The following ZC3H3 variants were observed in gnomAD, a reference collection of about 807,000 sequenced individuals.
ZC3H3 encodes zinc finger CCCH domain-containing protein 3.
ZC3H3 carries 36 observed loss-of-function variants against 77.3 expected under a neutral mutation model. The ratio of observed to expected loss-of-function variants is 0.47; its 90% confidence interval spans 0.36 to 0.61. ZC3H3 has a LOEUF of 0.61. ZC3H3 is among the 20% of genes least tolerant of loss of function. The probability of loss-of-function intolerance (pLI) is 0.00; values close to 1 mark genes in which losing one functional copy is unlikely to be tolerated. For synonymous variants in ZC3H3, 626 were observed against 555.2 expected, an observed-to-expected ratio of 1.13 and a Z score of -1.79; for missense variants, 1,331 against 1,312.2, an observed-to-expected ratio of 1.01 and a Z score of -0.22.
intron 3 of ZC3H3, among the ~76,000 whole-genome samples, chr8:143,514,183 G>A (rs568614168): frequency 2.4e-4 from 36 of 152,278 alleles, no homozygotes; most frequent in African/African-American, 6.5e-4. Flanking sequence ...CGGCTTCCCC[G>A]AGGTCCACCA....
chr8:143,453,620 G>A (rs1007235951), intron 9 of ZC3H3, among the ~76,000 whole-genome samples: 2 of 152,154 alleles, frequency 1.3e-5, no homozygotes, highest in Non-Finnish European at 1.5e-5. Context: ...AGTGGTTAAA[G>A]TTCTCCAAAC....
intron 8 of ZC3H3, among the ~76,000 whole-genome samples, chr8:143,467,830 C>A (rs930469450): frequency 6.6e-6 from 1 of 151,438 alleles, no homozygotes; most frequent in African/African-American, 2.4e-5. Context: ...AGCTTCCCCC[C>A]TCCTGCCAAC....
chr8:143,446,721 C>T (rs1445237111), intron 9 of ZC3H3, among the ~76,000 whole-genome samples: 2 of 152,254 alleles, frequency 1.3e-5, no homozygotes, highest in African/African-American at 4.8e-5. Flanking sequence ...TCCAAGCTGC[C>T]GAGCGTGACA....
At chr8:143,490,681 A>G (rs1288622739) in intron 4 of ZC3H3, among the ~76,000 whole-genome samples, 1 of 152,214 alleles carries the variant, frequency 6.6e-6, no homozygotes, top group African/African-American at 2.4e-5. Flanking sequence ...TTGGGAGGCC[A>G]AGGCAGGCGG....
chr8:143,478,655 A>T (rs1477864047), intron 4 of ZC3H3, among the ~76,000 whole-genome samples: 3 of 152,178 alleles, frequency 2.0e-5, no homozygotes, highest in Non-Finnish European at 4.4e-5. Context: ...GATTACAGGC[A>T]TGTGCCAACA....
chr8:143,498,085 G>A (rs950161624), intron 4 of ZC3H3, among the ~76,000 whole-genome samples: 1 of 152,214 alleles, frequency 6.6e-6, no homozygotes, highest in Non-Finnish European at 1.5e-5. Context: ...CAAGGAGAAC[G>A]GCAGGAACTG....
chr8:143,494,633 G>C lies in ZC3H3; in HGVS notation c.1715+13113C>G, dbSNP rs998701803. On this transcript the variant is annotated intron_variant, in intron 4 of 11. Coordinates refer to ENST00000262577, the MANE Select transcript of ZC3H3 (RefSeq NM_015117.3). This position sits in a 1 kb window ranked among gnomAD's most constrained non-coding sequence, Gnocchi z 5.3. Reference sequence around the variant, plus strand: ...GAGGGAAGCGGCAGGTCGGGGGAGGGGGGTGCTGTGGGCAGACACACGAGG... The same window carrying C: ...GAGGGAAGCGGCAGGTCGGGGGAGGCGGGTGCTGTGGGCAGACACACGAGG... Among the ~76,000 whole-genome samples the C allele has an allele frequency of 6.6e-6, 1 of 152,182 alleles. No homozygotes were observed. The highest frequency in any genetic ancestry group is 1.5e-5 in the Non-Finnish European group (1 of 68,032).
intron 11 of ZC3H3, among the ~76,000 whole-genome samples, chr8:143,439,275 G>A (rs982551386): frequency 2.0e-5 from 3 of 152,270 alleles, no homozygotes; most frequent in African/African-American, 7.2e-5. Flanking sequence ...CGGCCCCTCC[G>A]AGGCAGGCAT....
intron 8 of ZC3H3, among the ~76,000 whole-genome samples, chr8:143,467,188 G>A (rs1019606203): frequency 6.6e-6 from 1 of 152,184 alleles, no homozygotes; most frequent in Non-Finnish European, 1.5e-5. Flanking sequence ...GCCCAAATTA[G>A]CTCTAATAAA....
At chr8:143,537,304 C>G (rs1005208598) in intron 2 of ZC3H3, among the ~76,000 whole-genome samples, 1 of 152,194 alleles carries the variant, frequency 6.6e-6, no homozygotes, top group South Asian at 2.1e-4. Context: ...CCAATCTGCT[C>G]GCCCTGGGAC....
chr8:143,459,171 TAAAAG>T (rs888195843), intron 9 of ZC3H3, among the ~76,000 whole-genome samples: 62 of 152,230 alleles, frequency 4.1e-4, no homozygotes, highest in Admixed American at 2.4e-3. Flanking sequence ...ACAAAGACAC[TAAAAG>T]AAAACTACCA....
In ZC3H3 at chr8:143,536,418, G is replaced by T; in HGVS notation, c.1400C>A (p.Ala467Asp). 1 of 1,547,460 alleles carries T rather than the reference G, an allele frequency of 6.5e-7. No individual in the cohort carries two copies. The change falls in exon 3 of 12, where the codon GCC becomes GAC. Residue 467 changes from alanine to aspartate, a missense_variant. Ala to Asp is a moderately radical substitution (Grantham distance 126). This residue lies in a region of ZC3H3 where 978 missense variants were observed against 915.5 expected (regional missense o/e 1.07). Coordinates refer to ENST00000262577, the MANE Select transcript of ZC3H3 (RefSeq NM_015117.3). The stretch of plus-strand genomic sequence containing the variant: ...GCTGAGGTGGCTCTTGGCGGTGGCG[G>T]CAGGTGAGGTGCCGCTTTTCTTGTC... ...PGDKKSGTSP[A>D]ATAKSHLSLR...
intron 3 of ZC3H3, among the ~76,000 whole-genome samples, chr8:143,522,691 A>G (rs115341818): frequency 0.019 from 2,831 of 152,252 alleles, 84 homozygotes; most frequent in African/African-American, 0.065. Context: ...GGCCAAGTTA[A>G]GCAGATCGCC....
chr8:143,499,979 C>A (rs2130396390), intron 4 of ZC3H3, among the ~76,000 whole-genome samples: 1 of 152,322 alleles, frequency 6.6e-6, no homozygotes, highest in Non-Finnish European at 1.5e-5. Flanking sequence ...CCCTGGCCCC[C>A]CACCAGAGCA....
chr8:143,460,576 A>T lies in ZC3H3; in HGVS notation c.2307+5141T>A, dbSNP rs1354939864. On this transcript the variant is annotated intron_variant, in intron 9 of 11. Transcript: ENST00000262577. This position sits in a 1 kb window ranked among gnomAD's most constrained non-coding sequence, Gnocchi z 4.0. The stretch of plus-strand genomic sequence containing the variant: ...CCACTCCTCAATATACACCCAAAGG[A>T]AGTGAAAGCGGGGCTCAAACAGATA... Among the ~76,000 whole-genome samples the T allele has an allele frequency of 6.6e-6, 1 of 152,168 alleles. No individual in the cohort carries two copies. The highest frequency in any genetic ancestry group is 1.5e-5 in the Non-Finnish European group (1 of 68,034).
chr8:143,445,739 A>G (rs1451351239), intron 9 of ZC3H3, among the ~76,000 whole-genome samples: 3 of 151,960 alleles, frequency 2.0e-5, no homozygotes, highest in Non-Finnish European at 2.9e-5. Context: ...GGTCTAACTG[A>G]AGAAATACAG....
At chr8:143,458,012 A>G (rs1264329703) in intron 9 of ZC3H3, among the ~76,000 whole-genome samples, 2 of 152,246 alleles carry the variant, frequency 1.3e-5, no homozygotes, top group Non-Finnish European at 2.9e-5. Flanking sequence ...AATCGAAAAC[A>G]GAAAACCAAA....
intron 3 of ZC3H3, among the ~76,000 whole-genome samples, chr8:143,519,868 C>T (rs1386904259): frequency 6.6e-6 from 1 of 152,200 alleles, no homozygotes; most frequent in Admixed American, 6.5e-5. Flanking sequence ...AGGTGCCCTG[C>T]CCTGTGGGAA....
At chr8:143,492,037 T>TA (rs1821219495) in intron 4 of ZC3H3, among the ~76,000 whole-genome samples, 1 of 150,852 alleles carries the variant, frequency 6.6e-6, no homozygotes, top group South Asian at 2.1e-4. Flanking sequence ...AGAGAAGGAG[T>TA]GAAAGCAGAA....
Sources: allele counts gnomAD v4.1 joint callset (sites outside exome capture counted in the v4.1 genomes callset), GRCh38; gene constraint gnomAD v4.1.1; regional missense constraint gnomAD v4.1.1; non-coding constraint Gnocchi (gnomAD v3.1); transcripts MANE v1.5; gene names NCBI Gene and HGNC (gene_info 2026-07-23, HGNC 2026-07-21).